The following TMEM14C variants were observed in gnomAD, a reference collection of about 807,000 sequenced individuals.
TMEM14C encodes chromosome 6 open reading frame 53.
Under a neutral mutation model 14.8 loss-of-function variants are expected in TMEM14C, and 13 were observed. That is an observed-to-expected ratio of 0.88 (90% CI 0.57 to 1.40). The LOEUF is 1.40. Ranked by LOEUF, TMEM14C falls within the 40% of genes most tolerant of loss-of-function variation. The pLI is 0.00. For missense variants in TMEM14C, 142 were observed against 138.8 expected, an observed-to-expected ratio of 1.02 and a Z score of -0.12; for synonymous variants, 57 against 51.3, an observed-to-expected ratio of 1.11 and a Z score of -0.48.
chr6:10,728,544 T>C, intron 4 of TMEM14C, 96 bp from the exon 5 acceptor site: 1 of 1,291,158 alleles, frequency 7.7e-7, no homozygotes, highest in Admixed American at 1.8e-5. Flanking sequence ...GGATGAGGCG[T>C]GAGCCTTGAG....
intron 1 of TMEM14C, among the ~76,000 whole-genome samples, chr6:10,723,594 C>CTT (rs34904534): frequency 0.58 from 68,914 of 118,378 alleles, 21,392 homozygotes; most frequent in Non-Finnish European, 0.65. Context: ...AAACTTAATT[C>CTT]TTTTTTTTTT....
intron 3 of TMEM14C, among the ~76,000 whole-genome samples, chr6:10,725,391 G>A: frequency 6.6e-6 from 1 of 152,288 alleles, no homozygotes; most frequent in East Asian, 1.9e-4. Flanking sequence ...CTGGTATTTT[G>A]AACTCTCCTC....
At chr6:10,728,769 G>C (rs763222618) in intron 5 of TMEM14C, 42 bp downstream of exon 5, 27 of 1,613,514 alleles carry the variant, frequency 1.7e-5, no homozygotes, top group Non-Finnish European at 2.2e-5. Flanking sequence ...GTAGAGTTCA[G>C]TTTATTCCCC....
At chr6:10,724,312 G>A in intron 1 of TMEM14C, 1 of 345,952 alleles carries the variant, frequency 2.9e-6, no homozygotes, top group African/African-American at 2.1e-5. Context: ...AGTTTCCCGT[G>A]GGCCTATGTG....
At chr6:10,725,543 C>T (rs1263441550) in intron 3 of TMEM14C, among the ~76,000 whole-genome samples, 2 of 152,146 alleles carry the variant, frequency 1.3e-5, no homozygotes, top group African/African-American at 4.8e-5. Context: ...TTATCTCCTT[C>T]TCCTTTTGTG....
chr6:10,727,904 A>T (rs901672436), intron 4 of TMEM14C, among the ~76,000 whole-genome samples: 2 of 152,196 alleles, frequency 1.3e-5, no homozygotes, highest in African/African-American at 4.8e-5. Flanking sequence ...TCTTACGATG[A>T]AAACCCAAAC....
intron 5 of TMEM14C, among the ~76,000 whole-genome samples, chr6:10,730,209 T>G (rs4711069): frequency 0.51 from 78,318 of 152,096 alleles, 21,753 homozygotes; most frequent in South Asian, 0.64. Context: ...GGAGAAAGAT[T>G]ACATACTCTG....
chr6:10,730,943 A>T lies in TMEM14C; in HGVS notation c.*277A>T, dbSNP rs1291369362. On this transcript the variant is annotated 3_prime_UTR_variant, in exon 6 of 6. Transcript: ENST00000229563. Reference sequence around the variant, plus strand: ...TTTCTGTATCTGTAGGTAAATCTCAAGGGTAAAATGTTAGGTGTCAGCTTT... The same window carrying T: ...TTTCTGTATCTGTAGGTAAATCTCATGGGTAAAATGTTAGGTGTCAGCTTT... The T allele has an allele frequency of 6.5e-6, 7 of 1,074,126 alleles. No individual in the cohort carries two copies. In the African/African-American group the frequency reaches 1.2e-4, roughly 18 times the overall value. 66.5% of individuals were successfully genotyped at this position (1,074,126 alleles called of 1,614,324 possible).
chr6:10,724,583 G>A lies in TMEM14C; in HGVS notation c.-31G>A, dbSNP rs190026313. On this transcript the variant is annotated 5_prime_UTR_variant, in exon 2 of 6. Transcript: ENST00000229563. ...TGTTTTCTGCAGGTGCAGGCCTGGG[G>A]TAGTCTCCTGTCTGGACAGAGAAGA... 3,450 of 1,612,312 alleles carry A rather than the reference G, an allele frequency of 2.1e-3. 3 individuals are homozygous for A. Among genetic ancestry groups the A allele is most frequent in the Non-Finnish European group, 2.6e-3 (3,072 of 1,179,000 alleles).
intron 5 of TMEM14C, among the ~76,000 whole-genome samples, chr6:10,729,281 G>A (rs772265202): frequency 6.6e-5 from 10 of 152,028 alleles, no homozygotes; most frequent in South Asian, 2.1e-4. Flanking sequence ...GATTACAGGC[G>A]TGCACCACCA....
At chr6:10,727,504 A>G (rs1313016663) in intron 4 of TMEM14C, among the ~76,000 whole-genome samples, 7 of 151,916 alleles carry the variant, frequency 4.6e-5, no homozygotes, top group African/African-American at 1.7e-4. Context: ...ATGCCCGGCT[A>G]ATTTTTCTAT....
At chr6:10,730,488 T>C in intron 5 of TMEM14C, 127 bp from the exon 6 acceptor site, 2 of 818,620 alleles carry the variant, frequency 2.4e-6, no homozygotes, top group Non-Finnish European at 3.6e-6. Flanking sequence ...AATTTACCCC[T>C]GACCACTCTT....
Position 10,730,621 on chromosome 6 carries a change from G to C in TMEM14C, c.294G>C (p.Leu98=). The change falls in exon 6 of 6, where the codon CTG becomes CTC. Residue 98 remains leucine, a synonymous_variant. Coordinates refer to ENST00000229563, the MANE Select transcript of TMEM14C (RefSeq NM_016462.4). Reference sequence around the variant, plus strand: ...TCTTGTTTCTTTTAAACAGTTTGCTGATGGTCGCCAAAGTTGGAGTTAGTA... The same window carrying C: ...TCTTGTTTCTTTTAAACAGTTTGCTCATGGTCGCCAAAGTTGGAGTTAGTA... ...PAGLIAGASL[L]MVAKVGVSMF... 6.2e-7 allele frequency: 1 copy of C among 1,612,372 alleles called. No individual in the cohort carries two copies. Among genetic ancestry groups the C allele is most frequent in the Non-Finnish European group, 8.5e-7 (1 of 1,178,944 alleles).
chr6:10,730,606 T>C lies in TMEM14C; in HGVS notation c.288-9T>C, dbSNP rs764395896. The C allele has an allele frequency of 6.2e-7, 1 of 1,612,404 alleles. No homozygotes were observed. The highest frequency in any genetic ancestry group is 2.2e-5 in the East Asian group (1 of 44,878). On this transcript the variant is annotated splice_polypyrimidine_tract_variant and intron_variant, in intron 5 of 5. Coordinates refer to ENST00000229563, the MANE Select transcript of TMEM14C (RefSeq NM_016462.4). ...ACCTGACATTTTCTATCTTGTTTCT[T>C]TTAAACAGTTTGCTGATGGTCGCCA...
At position 10,730,740 on chromosome 6, in the gene TMEM14C, A is replaced by T. The variant is rs2127489609; in HGVS notation, c.*74A>T. On this transcript the variant is annotated 3_prime_UTR_variant, in exon 6 of 6. Coordinates refer to ENST00000229563, the MANE Select transcript of TMEM14C (RefSeq NM_016462.4). ...CTTCCACTATTTTCAATATATTAAG[A>T]GAAATAAGTGCAGCATTTTTGCATC... 2 of 1,498,194 alleles carry T rather than the reference A, an allele frequency of 1.3e-6. 1 individual carries two copies. 92.8% of individuals were successfully genotyped at this position (1,498,194 alleles called of 1,614,324 possible). A position where few individuals can be genotyped will look rare whatever the true frequency, so the allele number is the denominator to read the frequency against.
At chr6:10,723,426 G>A (rs538283207) in intron 1 of TMEM14C, among the ~76,000 whole-genome samples, 185 bp downstream of exon 1, 37 of 152,114 alleles carry the variant, frequency 2.4e-4, no homozygotes, top group Admixed American at 1.4e-3. Flanking sequence ...GGAGCCCCTG[G>A]GCTCCTGAGG....
chr6:10,723,482 T>C (rs1236965280), intron 1 of TMEM14C, among the ~76,000 whole-genome samples: 1 of 152,176 alleles, frequency 6.6e-6, no homozygotes, highest in Non-Finnish European at 1.5e-5. Context: ...TTCTTGGTGA[T>C]TTTCTTGCTC....
intron 4 of TMEM14C, 54 bp from the exon 5 acceptor site, chr6:10,728,586 C>T (rs1352056873): frequency 1.3e-6 from 2 of 1,582,824 alleles, no homozygotes; most frequent in African/African-American, 1.3e-5. Flanking sequence ...CTTCTGATTC[C>T]CCTGCGTAGA....
At chr6:10,725,117 C>G in intron 3 of TMEM14C, 80 bp downstream of exon 3, 2 of 1,557,900 alleles carry the variant, frequency 1.3e-6, no homozygotes, top group South Asian at 1.1e-5. Context: ...CCCTGAGAAG[C>G]AATCTCATTT....
Sources: gnomAD v4.1 joint callset for allele counts (sites outside exome capture counted in the v4.1 genomes callset) on GRCh38, gnomAD v4.1.1 for gene constraint, MANE v1.5 for transcripts, NCBI Gene and HGNC (gene_info 2026-07-23, HGNC 2026-07-21) for gene names.